C3orf22: variants seen among roughly 807,000 people sequenced by gnomAD.
C3orf22 encodes the protein uncharacterized protein C3orf22.
C3orf22 carries 7 observed loss-of-function variants against 10.8 expected under a neutral mutation model. The observed-to-expected ratio is 0.65, with a 90% confidence interval of 0.37 to 1.22. C3orf22 has a LOEUF of 1.22. C3orf22 is among the 50% of genes most tolerant of loss of function. The probability of loss-of-function intolerance (pLI) is 0.02; values close to 1 mark genes in which losing one functional copy is unlikely to be tolerated. For missense variants in C3orf22, 173 were observed against 177.0 expected (o/e 0.98, Z 0.13); for synonymous variants, 79 against 78.9 (o/e 1.00, Z 0.00).
At chr3:126,537,231 G>A (rs1936814652) in intron 4 of C3orf22, among the ~76,000 whole-genome samples, 2 of 152,216 alleles carry the variant, frequency 1.3e-5, no homozygotes, top group African/African-American at 4.8e-5. Context: ...GAGTCAATAG[G>A]CAGACAGGAA....
At position 126,553,378 on chromosome 3, in the gene C3orf22, C is replaced by A; in HGVS notation, c.13G>T (p.Ala5Ser). ...TTACTCTGGTGAGACTTCTTGCAGG[C>A]ACTGGAGTCCATCACTGAGTGGGTT... is the stretch of plus-strand genomic sequence containing the variant. MDSS[A>S]CKKSHQSKKW... Residue 5 changes from alanine to serine, a missense_variant, in exon 2 of 4, where the codon GCC (alanine) becomes TCC (serine). Ala to Ser is a moderately conservative substitution (Grantham distance 99). Coordinates refer to ENST00000318225, the MANE Select transcript of C3orf22 (RefSeq NM_152533.3). The A allele has an allele frequency of 1.2e-6, 2 of 1,613,880 alleles. No individual in the cohort carries two copies. Among genetic ancestry groups the A allele is most frequent in the Non-Finnish European group, 8.5e-7 (1 of 1,179,914 alleles).
chr3:126,541,701 C>A, intron 4 of C3orf22: 2 of 1,412,844 alleles, frequency 1.4e-6, no homozygotes, highest in South Asian at 1.5e-5. Flanking sequence ...TGCCCTGACG[C>A]GTCCCCCTGT....
At chr3:126,531,955 C>A (rs61105867) in intron 4 of C3orf22, among the ~76,000 whole-genome samples, 4,888 of 152,302 alleles carry the variant, frequency 0.032, 254 homozygotes, top group African/African-American at 0.11. Context: ...TTCTCCACAT[C>A]CTTGTTATTT....
At position 126,542,501 on chromosome 3, in the gene C3orf22, C is replaced by G. The variant is rs767904337; in HGVS notation, c.286+7036G>C. 30 of 1,576,172 alleles carry G rather than the reference C, an allele frequency of 1.9e-5. No homozygotes were observed. The East Asian group carries it at 6.7e-4, about 35-fold the overall frequency. ...CCGGGACATCAGCCCCTTCTACCAGCGGCGCCTCTTCGACCTCTACAAGAT... is the reference window on the plus strand; with the variant it reads ...CCGGGACATCAGCCCCTTCTACCAGGGGCGCCTCTTCGACCTCTACAAGAT... On this transcript the variant is annotated intron_variant and NMD_transcript_variant, in intron 4 of 5. Coordinates refer to the C3orf22 transcript ENST00000505070.
chr3:126,531,727 G>A (rs1404089740), intron 4 of C3orf22, among the ~76,000 whole-genome samples: 1 of 152,182 alleles, frequency 6.6e-6, no homozygotes, highest in Non-Finnish European at 1.5e-5. Flanking sequence ...ATGGATTTGG[G>A]TTGTTTCCAT....
In C3orf22 at chr3:126,549,897, C is replaced by T. The variant is rs765047771; in HGVS notation, c.397G>A (p.Ala133Thr). The change falls in exon 4 of 4, where the codon GCG becomes ACG. Residue 133 changes from alanine to threonine, a missense_variant. Ala to Thr is a moderately conservative substitution (Grantham distance 58). Transcript: ENST00000318225. ...GAGAGGCCCCTGGACAGCCCTGCCGCCTTGCTGGTCTGGGGGCAGGCAGCC... is the reference window on the plus strand; with the variant it reads ...GAGAGGCCCCTGGACAGCCCTGCCGTCTTGCTGGTCTGGGGGCAGGCAGCC... ...TEAACPQTSK[A>T]AGLSRGLS 2 of 1,613,918 alleles carry T rather than the reference C, an allele frequency of 1.2e-6. No individual in the cohort carries two copies. Among genetic ancestry groups the T allele is most frequent in the Non-Finnish European group, 1.7e-6 (2 of 1,179,954 alleles).
At chr3:126,555,547 G>A (rs918184709) in intron 1 of C3orf22, among the ~76,000 whole-genome samples, 5 of 152,144 alleles carry the variant, frequency 3.3e-5, no homozygotes, top group African/African-American at 1.2e-4. Context: ...TAGGAGCGCA[G>A]GCCCCATTAT....
At chr3:126,530,344 G>A (rs1043407322) in intron 4 of C3orf22, among the ~76,000 whole-genome samples, 30 of 152,252 alleles carry the variant, frequency 2.0e-4, no homozygotes, top group Non-Finnish European at 3.4e-4. Flanking sequence ...CTGTGGTCTG[G>A]CCAGGAAATG....
intron 4 of C3orf22, among the ~76,000 whole-genome samples, chr3:126,541,349 G>A (rs1185203693): frequency 2.0e-5 from 3 of 152,190 alleles, no homozygotes; most frequent in South Asian, 2.1e-4. Context: ...ATTGGGTGTG[G>A]AATTAAACAG....
chr3:126,543,723 T>C (rs1345132936), intron 4 of C3orf22, among the ~76,000 whole-genome samples: 2 of 142,618 alleles, frequency 1.4e-5, no homozygotes, highest in Non-Finnish European at 3.1e-5. Context: ...TGTGCATGTG[T>C]GCATGAGTGT....
At chr3:126,533,004 T>C (rs1331804219) in intron 4 of C3orf22, among the ~76,000 whole-genome samples, 2 of 152,240 alleles carry the variant, frequency 1.3e-5, no homozygotes, top group East Asian at 3.8e-4. Flanking sequence ...TTCTTCTTTA[T>C]TACTTTATTA....
rs548531511 is a variant in C3orf22, at chr3:126,551,921, T to C, written c.215+76A>G. ...TGGGAGGATAACATGAACGTCTGCATGCAAAACTGGGGGACAGAAAGCCAG... is the reference window on the plus strand; with the variant it reads ...TGGGAGGATAACATGAACGTCTGCACGCAAAACTGGGGGACAGAAAGCCAG... On this transcript the variant is annotated intron_variant, in intron 3 of 3. Coordinates refer to ENST00000318225, the MANE Select transcript of C3orf22 (RefSeq NM_152533.3). 2.4e-5 allele frequency: 36 copies of C among 1,499,340 alleles called. No individual in the cohort carries two copies. The African/African-American group carries it at 5.0e-4, about 21-fold the overall frequency. 92.9% of individuals were successfully genotyped at this position (1,499,340 alleles called of 1,614,324 possible).
intron 1 of C3orf22, among the ~76,000 whole-genome samples, chr3:126,558,327 C>T (rs1409198043): frequency 6.6e-6 from 1 of 152,142 alleles, no homozygotes; most frequent in African/African-American, 2.4e-5. Context: ...GGCCATGCAG[C>T]CTCAAACAGT....
chr3:126,536,425 G>A, intron 4 of C3orf22: 1 of 1,200,354 alleles, frequency 8.3e-7, no homozygotes, highest in Non-Finnish European at 1.2e-6. Flanking sequence ...CAACAGTGCA[G>A]ACCTGCTGGC....
At chr3:126,532,470 T>A (rs567423909) in intron 4 of C3orf22, among the ~76,000 whole-genome samples, 1 of 152,340 alleles carries the variant, frequency 6.6e-6, no homozygotes, top group East Asian at 1.9e-4. Flanking sequence ...GGGGTACAAC[T>A]TCATTCTTTT....
chr3:126,556,803 TCACC>T (rs1286951999), intron 1 of C3orf22, among the ~76,000 whole-genome samples: 3 of 108,424 alleles, frequency 2.8e-5, no homozygotes, highest in African/African-American at 1.1e-4. Flanking sequence ...ACACTCAGGC[TCACC>T]CACACACACA....
chr3:126,540,839 G>A (rs1053180115), intron 4 of C3orf22, among the ~76,000 whole-genome samples: 1 of 152,216 alleles, frequency 6.6e-6, no homozygotes, highest in Non-Finnish European at 1.5e-5. Flanking sequence ...ACTCGTGAAA[G>A]CTCCAGTTTC....
intron 3 of C3orf22, among the ~76,000 whole-genome samples, 155 bp downstream of exon 3, chr3:126,551,842 C>T (rs767943303): frequency 6.6e-6 from 1 of 152,250 alleles, no homozygotes; most frequent in Non-Finnish European, 1.5e-5. Context: ...AATTATCAGG[C>T]TTTAGCATCC....
downstream of C3orf22, among the ~76,000 whole-genome samples, chr3:126,546,392 A>C (rs1937067905): frequency 6.6e-6 from 1 of 152,180 alleles, no homozygotes; most frequent in Non-Finnish European, 1.5e-5. Flanking sequence ...TGTGGACTGA[A>C]TTATGTTCTC....
Sources: allele counts gnomAD v4.1 joint callset (sites outside exome capture counted in the v4.1 genomes callset), GRCh38; gene constraint gnomAD v4.1.1; transcripts MANE v1.5; gene names NCBI Gene and HGNC (gene_info 2026-07-23, HGNC 2026-07-21).